The following TMEM268 variants were observed in gnomAD, a reference collection of about 807,000 sequenced individuals.
The protein encoded by TMEM268 is transmembrane protein C9orf91.
In TMEM268, 24 loss-of-function variants were observed where a neutral mutation model predicts 39.1. That is an observed-to-expected ratio of 0.61 (90% CI 0.44 to 0.86). The LOEUF (loss-of-function observed/expected upper bound fraction) is 0.86, where lower values mean the gene tolerates loss of function less well. TMEM268 is among the 40% of genes least tolerant of loss of function. The probability of loss-of-function intolerance (pLI) is 0.00; values close to 1 mark genes in which losing one functional copy is unlikely to be tolerated. For missense variants in TMEM268, 409 were observed against 428.6 expected (o/e 0.95, Z 0.40); for synonymous variants, 176 against 173.5 (o/e 1.01, Z -0.12).
At chr9:114,615,552 C>G (rs1346093067) in intron 1 of TMEM268, 1 of 151,536 alleles carries the variant, frequency 6.6e-6, no homozygotes, top group Non-Finnish European at 1.5e-5. Flanking sequence ...AGATAATGCA[C>G]TACTTTCAGA....
In TMEM268 at chr9:114,638,624, G is replaced by A; in HGVS notation, c.747G>A (p.Glu249=). ...GCCCTGCAACAGCGGAGGGGCCTGAGAACTTGGAGGATGCTCCTCTCCTGC... is the reference window on the plus strand; with the variant it reads ...GCCCTGCAACAGCGGAGGGGCCTGAAAACTTGGAGGATGCTCCTCTCCTGC... ...GVSPATAEGP[E]NLEDAPLLPG... is the part of the protein sequence containing the mutation. Residue 249 remains glutamate (E), a synonymous_variant, in exon 8 of 9, where the codon GAG becomes GAA. Coordinates refer to ENST00000288502, the MANE Select transcript of TMEM268 (RefSeq NM_153045.4). 1 of 1,610,414 alleles carries A rather than the reference G, an allele frequency of 6.2e-7. No homozygotes were observed. The highest frequency in any genetic ancestry group is 8.5e-7 in the Non-Finnish European group (1 of 1,178,544).
At chr9:114,642,129 G>A (rs1827374911) in intron 8 of TMEM268, among the ~76,000 whole-genome samples, 1 of 152,076 alleles carries the variant, frequency 6.6e-6, no homozygotes, top group African/African-American at 2.4e-5. Context: ...TCAGCCATCT[G>A]CAGAATGTTT....
chr9:114,622,244 A>G, intron 2 of TMEM268: 1 of 985,346 alleles, frequency 1.0e-6, no homozygotes, highest in Non-Finnish European at 1.2e-6. Flanking sequence ...GGAGTTTTGG[A>G]TCAGCAGACA....
At chr9:114,633,709 G>A (rs1027964681) in intron 5 of TMEM268, 59 bp from the exon 6 acceptor site, 1 of 900,530 alleles carries the variant, frequency 1.1e-6, no homozygotes, top group African/African-American at 1.7e-5. Context: ...ACTGCCCAGA[G>A]CCTGGGAGCT....
chr9:114,624,050 T>A (rs934731671), intron 2 of TMEM268: 1 of 251,674 alleles, frequency 4.0e-6, no homozygotes, highest in Non-Finnish European at 7.5e-6. Flanking sequence ...CATTTTTTTG[T>A]GGGGACAAAA....
intron 2 of TMEM268, among the ~76,000 whole-genome samples, chr9:114,620,406 G>A (rs1290364955): frequency 6.6e-6 from 1 of 151,964 alleles, no homozygotes; most frequent in South Asian, 2.1e-4. Context: ...CACCACGTCT[G>A]GCTAATTTTT....
chr9:114,623,974 T>A (rs1318742724), intron 2 of TMEM268, among the ~76,000 whole-genome samples: 1 of 152,222 alleles, frequency 6.6e-6, no homozygotes, highest in Non-Finnish European at 1.5e-5. Context: ...TAAATAAAGG[T>A]CCACTGCATC....
chr9:114,641,803 A>AT (rs1398934734), intron 8 of TMEM268, among the ~76,000 whole-genome samples: 1 of 151,076 alleles, frequency 6.6e-6, no homozygotes, highest in South Asian at 2.1e-4. Context: ...ACCTGGCTAA[A>AT]TTTTTTTTGT....
intron 1 of TMEM268, among the ~76,000 whole-genome samples, chr9:114,613,304 G>A (rs776658215): frequency 2.6e-5 from 4 of 152,194 alleles, no homozygotes; most frequent in Non-Finnish European, 4.4e-5. Flanking sequence ...AACCTTCCAC[G>A]CAGTCTGAAA....
In TMEM268 at chr9:114,637,259, A is replaced by G. The variant is rs573131191; in HGVS notation, c.666+189A>G. Among the ~76,000 whole-genome samples, 6 of 150,348 alleles carry G rather than the reference A, an allele frequency of 4.0e-5. No homozygotes were observed. In the South Asian group the frequency reaches 8.4e-4, roughly 21 times the overall value. ...TTCTTTTTAATGCCTCGCTTCTTCT[A>G]CATTTCCTATGGTGAGCATATATTT... On this transcript the variant is annotated intron_variant, in intron 7 of 8. Coordinates refer to ENST00000288502, the MANE Select transcript of TMEM268 (RefSeq NM_153045.4).
At chr9:114,609,783 AAG>A (rs373102359), upstream of TMEM268, among the ~76,000 whole-genome samples, 6 of 151,718 alleles carry the variant, frequency 4.0e-5, no homozygotes, top group African/African-American at 7.3e-5. Context: ...AAAAGAAACA[AAG>A]AGAGAAAGAA....
At chr9:114,615,609 C>G (rs999357414) in intron 1 of TMEM268, 4 of 151,058 alleles carry the variant, frequency 2.6e-5, no homozygotes, top group African/African-American at 9.9e-5. Flanking sequence ...CTTTGGAGAC[C>G]ATGTTCTTCA....
chr9:114,610,727 T>TCA (rs990774316), upstream of TMEM268, among the ~76,000 whole-genome samples: 21 of 152,286 alleles, frequency 1.4e-4, no homozygotes, highest in African/African-American at 5.1e-4. Flanking sequence ...TGTGAACATT[T>TCA]CACACACACT....
upstream of TMEM268, among the ~76,000 whole-genome samples, chr9:114,607,628 C>T (rs552830332): frequency 1.3e-5 from 2 of 152,232 alleles, no homozygotes; most frequent in South Asian, 2.1e-4. Flanking sequence ...GTACTCCAGC[C>T]TGGGTGACAG....
At chr9:114,622,448 G>A in intron 2 of TMEM268, 1 of 985,222 alleles carries the variant, frequency 1.0e-6, no homozygotes, top group Non-Finnish European at 1.2e-6. Context: ...GTACTGTGGT[G>A]CAAGGAGATC....
chr9:114,636,407 A>T (rs759579108), intron 6 of TMEM268, among the ~76,000 whole-genome samples: 7 of 152,222 alleles, frequency 4.6e-5, no homozygotes, highest in Non-Finnish European at 7.3e-5. Context: ...GGTGATGTCC[A>T]GGAGGGTTCG....
intron 5 of TMEM268, among the ~76,000 whole-genome samples, chr9:114,629,991 G>A (rs1312828673): frequency 1.3e-5 from 2 of 152,164 alleles, no homozygotes; most frequent in African/African-American, 2.4e-5. Flanking sequence ...CTTTGTCTTG[G>A]GGAGGGGAAG....
Position 114,644,649 on chromosome 9 carries a change from A to T in TMEM268, c.*1336A>T, listed in dbSNP as rs1827500951. On this transcript the variant is annotated 3_prime_UTR_variant, in exon 9 of 9. Coordinates refer to ENST00000288502, the MANE Select transcript of TMEM268 (RefSeq NM_153045.4). ...GCCATCCCCACAGCAGCTTTTGCAA[A>T]TTGCTTTCCAAACTCACTTGAATGA... 1 of 152,072 alleles carries T rather than the reference A, an allele frequency of 6.6e-6. No homozygotes were observed. The highest frequency in any genetic ancestry group is 6.6e-5 in the Admixed American group (1 of 15,264). The allele number at this position is 152,072 out of a possible 1,614,324, so 9.4% of individuals were successfully genotyped here.
At chr9:114,637,970 C>T (rs1460796941) in intron 7 of TMEM268, among the ~76,000 whole-genome samples, 1 of 152,218 alleles carries the variant, frequency 6.6e-6, no homozygotes. Flanking sequence ...TCAGTTTATT[C>T]ATTTGCAACA....
Sources: allele counts gnomAD v4.1 joint callset (sites outside exome capture counted in the v4.1 genomes callset), GRCh38; gene constraint gnomAD v4.1.1; transcripts MANE v1.5; gene names NCBI Gene and HGNC (gene_info 2026-07-23, HGNC 2026-07-21).